Variants in APOOL observed in about 807,000 individuals in gnomAD.
The protein encoded by APOOL is MICOS complex subunit MIC27.
Under a neutral mutation model 23.1 loss-of-function variants are expected in APOOL, and 12 were observed. The observed-to-expected ratio is 0.52, with a 90% CI of 0.33 to 0.84. The LOEUF is 0.84. Ranked by LOEUF, APOOL falls within the 40% of genes least tolerant of loss-of-function variation. APOOL has a pLI of 0.02. For synonymous variants in APOOL, 77 were observed against 69.9 expected (o/e 1.10, Z -0.51); for missense variants, 212 against 199.6 (o/e 1.06, Z -0.37).
intron 2 of APOOL, among the ~76,000 whole-genome samples, chrX:85,049,559 G>A (rs1047628419): frequency 9.0e-6 from 1 of 111,192 alleles, no homozygotes; most frequent in African/African-American, 3.3e-5. Context: ...CAAGGCGGGC[G>A]GATTGCTTGA....
chrX:85,017,656 T>C (rs1400465999), intron 1 of APOOL, among the ~76,000 whole-genome samples: 1 of 111,473 alleles, frequency 9.0e-6, no homozygotes, highest in East Asian at 2.8e-4. Context: ...CTGTGAGATA[T>C]AGTTAGGGAT....
At chrX:85,047,886 C>T (rs1922628528) in intron 2 of APOOL, among the ~76,000 whole-genome samples, 1 of 111,410 alleles carries the variant, frequency 9.0e-6, no homozygotes, top group Non-Finnish European at 1.9e-5. Context: ...TGACATTGGC[C>T]AGAATTCTTA....
chrX:85,038,958 G>T (rs1379562332), intron 1 of APOOL, among the ~76,000 whole-genome samples: 2 of 110,299 alleles, frequency 1.8e-5, no homozygotes, highest in African/African-American at 6.6e-5. Flanking sequence ...TGGTTGGTTG[G>T]TTCTTGTTTT....
chrX:85,040,322 C>T (rs1048441381), intron 1 of APOOL, among the ~76,000 whole-genome samples: 9 of 111,708 alleles, frequency 8.1e-5, no homozygotes, highest in Non-Finnish European at 1.5e-4. Context: ...CTCTAGCTGC[C>T]TTTAATATTT....
In APOOL at chrX:85,054,328, C is replaced by G; in HGVS notation, c.241-16C>G. On this transcript the variant is annotated splice_polypyrimidine_tract_variant and intron_variant, in intron 3 of 8. Transcript: ENST00000373173. ...TCAAAAATGCAGATGTCTTCCCCCC[C>G]TTTTTTTTTGCTTAGGGTGTTTATG... 2 of 1,138,151 alleles carry G rather than the reference C, an allele frequency of 1.8e-6. No homozygotes were observed. Among genetic ancestry groups the G allele is most frequent in the Non-Finnish European group, 2.4e-6 (2 of 850,512 alleles). The allele number at this position is 1,138,151 out of a possible 1,213,427, so 93.8% of individuals were successfully genotyped here.
intron 1 of APOOL, among the ~76,000 whole-genome samples, chrX:85,005,267 C>T (rs2147467861): frequency 9.1e-6 from 1 of 110,482 alleles, no homozygotes; most frequent in Non-Finnish European, 1.9e-5. Context: ...CCTCAGTCTC[C>T]TGAGTAGCTG....
intron 6 of APOOL, 86 bp from the exon 7 acceptor site, chrX:85,073,912 A>G: frequency 3.2e-6 from 2 of 622,076 alleles, no homozygotes; most frequent in Non-Finnish European, 4.8e-6. Flanking sequence ...TTGAGTGTTC[A>G]TATAAAATAC....
intron 2 of APOOL, 129 bp from the exon 3 acceptor site, chrX:85,051,260 A>T (rs922032664): frequency 4.0e-6 from 3 of 751,589 alleles, no homozygotes; most frequent in Non-Finnish European, 5.6e-6. Context: ...ATGGTTTTTT[A>T]AAAGTATTTT....
At chrX:85,044,766 A>G (rs1922518124) in intron 1 of APOOL, among the ~76,000 whole-genome samples, 1 of 111,824 alleles carries the variant, frequency 8.9e-6, no homozygotes, top group South Asian at 3.7e-4. Context: ...TAGTAAATCC[A>G]TAATCTGGAA....
intron 2 of APOOL, among the ~76,000 whole-genome samples, chrX:85,048,542 A>G (rs1475891456): frequency 8.9e-6 from 1 of 112,277 alleles, no homozygotes; most frequent in Non-Finnish European, 1.9e-5. Flanking sequence ...GTTGCCAGCT[A>G]TGTGCTAGGA....
intron 1 of APOOL, among the ~76,000 whole-genome samples, chrX:85,024,006 C>T (rs752732994): frequency 7.2e-5 from 8 of 111,847 alleles, no homozygotes; most frequent in East Asian, 2.8e-4. Flanking sequence ...CTTGGACTTA[C>T]TCGGTGAAGT....
chrX:85,039,181 A>G (rs1331872053), intron 1 of APOOL, among the ~76,000 whole-genome samples: 1 of 108,862 alleles, frequency 9.2e-6, no homozygotes, highest in African/African-American at 3.3e-5. Context: ...ATTCAGGAGC[A>G]TATTGTTTAA....
chrX:85,038,524 G>GTTTTTTTTTTTTTTTTTTTTTT (rs56248244), intron 1 of APOOL, among the ~76,000 whole-genome samples: 1 of 43,445 alleles, frequency 2.3e-5, no homozygotes, highest in African/African-American at 1.1e-4. Flanking sequence ...TCTGGTACAA[G>GTTTTTTTTTTTTTTTTTTTTTT]TTTTTTTTTT....
intron 8 of APOOL, among the ~76,000 whole-genome samples, chrX:85,086,763 G>C (rs759877755): frequency 1.1e-5 from 1 of 87,905 alleles, no homozygotes; most frequent in Non-Finnish European, 2.2e-5. Flanking sequence ...GCAGTGGCGC[G>C]ATCTCGGCTC....
At chrX:85,086,753 G>C (rs1240927089) in intron 8 of APOOL, among the ~76,000 whole-genome samples, 4 of 93,159 alleles carry the variant, frequency 4.3e-5, no homozygotes, top group Non-Finnish European at 8.5e-5. Flanking sequence ...AGGTTGGAGT[G>C]CAGTGGCGCG....
chrX:85,063,281 T>C (rs1430796821), intron 5 of APOOL, among the ~76,000 whole-genome samples: 1 of 111,811 alleles, frequency 8.9e-6, no homozygotes, highest in Non-Finnish European at 1.9e-5. Context: ...GGGGGTTTTC[T>C]AGATATAGGG....
intron 8 of APOOL, 143 bp downstream of exon 8, chrX:85,074,534 G>T (rs895234345): frequency 3.0e-6 from 2 of 677,261 alleles, no homozygotes; most frequent in Admixed American, 7.6e-5. Flanking sequence ...TTCTTTTTAG[G>T]TTATGAGGTA....
At chrX:85,007,401 G>A (rs1921116532) in intron 1 of APOOL, among the ~76,000 whole-genome samples, 1 of 111,082 alleles carries the variant, frequency 9.0e-6, no homozygotes, top group Non-Finnish European at 1.9e-5. Flanking sequence ...GAAGAAGATT[G>A]AAGTGATGGA....
intron 1 of APOOL, among the ~76,000 whole-genome samples, chrX:85,026,064 A>G (rs1921832861): frequency 8.8e-6 from 1 of 113,338 alleles, no homozygotes; most frequent in African/African-American, 3.2e-5. Flanking sequence ...GCTTTCTCAT[A>G]TATCCTCAGT....
Sources: gnomAD v4.1 joint callset for allele counts (sites outside exome capture counted in the v4.1 genomes callset) on GRCh38, gnomAD v4.1.1 for gene constraint, MANE v1.5 for transcripts, NCBI Gene and HGNC (gene_info 2026-07-23, HGNC 2026-07-21) for gene names.